Variants in ERMP1 observed in about 807,000 individuals in gnomAD.
ERMP1 encodes Felix-ina.
A neutral mutation model predicts 92.0 loss-of-function variants in ERMP1; 86 were observed. The ratio of observed to expected loss-of-function variants is 0.93; its 90% CI spans 0.79 to 1.12. The LOEUF is 1.12. Among genes scored for constraint, ERMP1 ranks in the 50% most tolerant of loss-of-function variants. The pLI is 0.00. For missense variants in ERMP1, 1,342 were observed against 1,116.3 expected (o/e 1.20, Z -2.88); for synonymous variants, 530 against 412.8 (o/e 1.28, Z -3.44).
chr9:5,862,756 A>G (rs1830539533), intron 5 of ERMP1, among the ~76,000 whole-genome samples: 2 of 152,170 alleles, frequency 1.3e-5, no homozygotes, highest in South Asian at 4.1e-4. Flanking sequence ...AAGGCCCACA[A>G]CTGATCACCA....
chr9:5,851,732 A>C (rs1008208964), intron 6 of ERMP1, among the ~76,000 whole-genome samples: 7 of 152,222 alleles, frequency 4.6e-5, no homozygotes, highest in African/African-American at 1.7e-4. Flanking sequence ...AAAACTAGGT[A>C]CTGTGACTGT....
chr9:5,838,357 C>G (rs1291226471), intron 6 of ERMP1, among the ~76,000 whole-genome samples: 1 of 151,944 alleles, frequency 6.6e-6, no homozygotes, highest in Non-Finnish European at 1.5e-5. Context: ...GCCTGGGCAA[C>G]ATAGCAAGAC....
chr9:5,793,104 AAG>A (rs919371405), intron 13 of ERMP1, among the ~76,000 whole-genome samples: 3 of 152,160 alleles, frequency 2.0e-5, no homozygotes, highest in Non-Finnish European at 4.4e-5. Flanking sequence ...GCTTCTGTAT[AAG>A]AGAGATAAAT....
At chr9:5,837,900 C>T (rs1239586592), upstream of ERMP1, among the ~76,000 whole-genome samples, 2 of 152,030 alleles carry the variant, frequency 1.3e-5, no homozygotes, top group Non-Finnish European at 2.9e-5. Flanking sequence ...GCCAGGAATT[C>T]GAGAGCAGCC....
At chr9:5,860,553 T>C (rs1041813531) in intron 5 of ERMP1, among the ~76,000 whole-genome samples, 5 of 152,198 alleles carry the variant, frequency 3.3e-5, no homozygotes, top group African/African-American at 1.2e-4. Context: ...ACATACTACA[T>C]GTTCTCTCTC....
chr9:5,860,498 A>G (rs756556381), intron 5 of ERMP1, among the ~76,000 whole-genome samples: 19 of 152,212 alleles, frequency 1.2e-4, no homozygotes, highest in Non-Finnish European at 2.9e-5. Flanking sequence ...GCTCAGAGCC[A>G]TAACGTATGG....
chr9:5,848,912 G>A (rs897050030), intron 6 of ERMP1, among the ~76,000 whole-genome samples: 1 of 152,224 alleles, frequency 6.6e-6, no homozygotes, highest in African/African-American at 2.4e-5. Flanking sequence ...GACCTATGTG[G>A]CTTACTATGG....
At chr9:5,787,742 C>T (rs748767155) in intron 13 of ERMP1, 149 bp from the exon 14 acceptor site, 1 of 707,426 alleles carries the variant, frequency 1.4e-6, no homozygotes, top group Non-Finnish European at 2.3e-6. Flanking sequence ...CCAGTTTGGA[C>T]ACTTAGTGTG....
chr9:5,820,839 C>T (rs1287565004), intron 4 of ERMP1, among the ~76,000 whole-genome samples: 1 of 152,188 alleles, frequency 6.6e-6, no homozygotes, highest in Non-Finnish European at 1.5e-5. Flanking sequence ...ATGAAAATAA[C>T]ACTAACTAGC....
chr9:5,824,634 C>G (rs1829667535), intron 3 of ERMP1, among the ~76,000 whole-genome samples: 1 of 152,098 alleles, frequency 6.6e-6, no homozygotes, highest in Admixed American at 6.6e-5. Context: ...AACTCCTGAC[C>G]TCGTGATCTG....
At chr9:5,840,934 C>G (rs1199456183) in intron 6 of ERMP1, among the ~76,000 whole-genome samples, 4 of 152,212 alleles carry the variant, frequency 2.6e-5, no homozygotes, top group African/African-American at 9.7e-5. Context: ...TTCATAGCAA[C>G]CTAATTTAAA....
At chr9:5,819,130 A>C (rs1249237444) in intron 4 of ERMP1, among the ~76,000 whole-genome samples, 1 of 152,252 alleles carries the variant, frequency 6.6e-6, no homozygotes, top group East Asian at 1.9e-4. Context: ...TGTTTACTCC[A>C]GCATTATCAT....
intron 6 of ERMP1, among the ~76,000 whole-genome samples, chr9:5,841,214 T>C (rs1476566237): frequency 6.6e-6 from 1 of 152,214 alleles, no homozygotes; most frequent in Non-Finnish European, 1.5e-5. Flanking sequence ...GTACCAAGAA[T>C]AGGTTCTCTA....
intron 10 of ERMP1, among the ~76,000 whole-genome samples, chr9:5,804,510 G>C (rs954373245): frequency 1.3e-5 from 2 of 152,172 alleles, no homozygotes; most frequent in Admixed American, 6.5e-5. Context: ...ATGAAGGCAC[G>C]TTTGGGTGTC....
intron 6 of ERMP1, among the ~76,000 whole-genome samples, chr9:5,843,578 G>T (rs1363276304): frequency 2.0e-5 from 3 of 152,192 alleles, no homozygotes; most frequent in Non-Finnish European, 4.4e-5. Context: ...GATGTAGCTA[G>T]CCAGTCAAGT....
intron 6 of ERMP1, among the ~76,000 whole-genome samples, chr9:5,852,852 G>A (rs1198811398): frequency 6.6e-6 from 1 of 152,092 alleles, no homozygotes; most frequent in African/African-American, 2.4e-5. Context: ...TTTTGTAAAT[G>A]AGATAAAAAT....
At chr9:5,818,972 T>G (rs1362185729) in intron 4 of ERMP1, among the ~76,000 whole-genome samples, 1 of 152,248 alleles carries the variant, frequency 6.6e-6, no homozygotes, top group African/African-American at 2.4e-5. Context: ...TACTGTTATA[T>G]GTATTTGCAT....
chr9:5,865,364 T>C (rs1329400889), intron 5 of ERMP1, among the ~76,000 whole-genome samples: 3 of 151,976 alleles, frequency 2.0e-5, no homozygotes, highest in East Asian at 3.9e-4. Flanking sequence ...AAAAATTAGC[T>C]GAGCGCGGTG....
chr9:5,826,396 G>C (rs943738340), intron 2 of ERMP1, among the ~76,000 whole-genome samples: 1 of 152,164 alleles, frequency 6.6e-6, no homozygotes, highest in Non-Finnish European at 1.5e-5. Flanking sequence ...CTATTTCCTG[G>C]TTGAAAGAGC....
Sources: gnomAD v4.1 joint callset for allele counts (sites outside exome capture counted in the v4.1 genomes callset) on GRCh38, gnomAD v4.1.1 for gene constraint, MANE v1.5 for transcripts, NCBI Gene and HGNC (gene_info 2026-07-23, HGNC 2026-07-21) for gene names.